DEPTOR: variants seen among roughly 807,000 people sequenced by gnomAD.
The protein encoded by DEPTOR is DEP domain containing MTOR interacting protein, also known as DEP domain-containing mTOR-interacting protein.
A neutral mutation model predicts 41.6 loss-of-function variants in DEPTOR; 41 were observed. That is an observed-to-expected ratio of 0.98 (90% CI 0.77 to 1.28). The LOEUF is 1.28. Among genes scored for constraint, DEPTOR ranks in the 50% most tolerant of loss-of-function variants. The pLI is 0.00. For missense variants in DEPTOR, 514 were observed against 527.9 expected, an observed-to-expected ratio of 0.97 and a Z score of 0.26; for synonymous variants, 195 against 192.3, an observed-to-expected ratio of 1.01 and a Z score of -0.12.
At chr8:120,028,652 T>C (rs1487254318) in intron 8 of DEPTOR, among the ~76,000 whole-genome samples, 1 of 151,464 alleles carries the variant, frequency 6.6e-6, no homozygotes, top group Non-Finnish European at 1.5e-5. Context: ...TTAATAGAGA[T>C]GGGTTTCACC....
intron 8 of DEPTOR, among the ~76,000 whole-genome samples, chr8:120,010,030 A>C (rs1001243939): frequency 3.3e-5 from 5 of 152,172 alleles, no homozygotes; most frequent in African/African-American, 7.2e-5. Flanking sequence ...CATACGACAT[A>C]GCCAATACTG....
chr8:119,936,484 ATTTG>A (rs1230025545), intron 3 of DEPTOR, among the ~76,000 whole-genome samples: 2 of 152,192 alleles, frequency 1.3e-5, no homozygotes, highest in Non-Finnish European at 2.9e-5. Flanking sequence ...ATATACATTA[ATTTG>A]TTTGATCCTC....
chr8:120,037,570 T>G (rs1812997389), intron 8 of DEPTOR, among the ~76,000 whole-genome samples: 1 of 152,200 alleles, frequency 6.6e-6, no homozygotes, highest in Non-Finnish European at 1.5e-5. Context: ...TTAATATTCA[T>G]GTGTTATCGT....
chr8:120,032,565 T>C (rs954649228), intron 8 of DEPTOR, among the ~76,000 whole-genome samples: 1 of 152,052 alleles, frequency 6.6e-6, no homozygotes, highest in Non-Finnish European at 1.5e-5. Flanking sequence ...GGACCACAAG[T>C]GAAGCTGGTG....
At chr8:119,912,033 T>G (rs1827751473) in intron 1 of DEPTOR, among the ~76,000 whole-genome samples, 1 of 152,212 alleles carries the variant, frequency 6.6e-6, no homozygotes, top group Non-Finnish European at 1.5e-5. Flanking sequence ...CAAATAAGAT[T>G]AAAGTAATAC....
At chr8:120,014,623 G>A (rs1812582574) in intron 8 of DEPTOR, among the ~76,000 whole-genome samples, 1 of 151,876 alleles carries the variant, frequency 6.6e-6, no homozygotes, top group Admixed American at 6.6e-5. Flanking sequence ...CGCCTCCCGG[G>A]TTCAAGCGAT....
chr8:119,886,213 C>T (rs565275679), intron 1 of DEPTOR, among the ~76,000 whole-genome samples: 1 of 152,250 alleles, frequency 6.6e-6, no homozygotes, highest in African/African-American at 2.4e-5. Context: ...CATGTGCCAG[C>T]TCTTTTATTG....
chr8:119,894,558 G>A (rs1368499910), intron 1 of DEPTOR, among the ~76,000 whole-genome samples: 3 of 151,814 alleles, frequency 2.0e-5, no homozygotes, highest in Admixed American at 6.6e-5. Flanking sequence ...CACTATGCCC[G>A]GCTAATTTTT....
chr8:119,924,407 G>GT (rs956232050), intron 1 of DEPTOR, among the ~76,000 whole-genome samples: 4 of 151,782 alleles, frequency 2.6e-5, no homozygotes, highest in Admixed American at 6.6e-5. Context: ...GTTATTTATG[G>GT]TTTTTTTTCC....
At chr8:119,909,708 C>T (rs921093715) in intron 1 of DEPTOR, among the ~76,000 whole-genome samples, 1 of 152,216 alleles carries the variant, frequency 6.6e-6, no homozygotes, top group Admixed American at 6.5e-5. Flanking sequence ...GTGGCCTTGC[C>T]ACTTACAAAC....
chr8:119,971,126 G>A (rs760500327), intron 4 of DEPTOR, among the ~76,000 whole-genome samples: 4 of 151,902 alleles, frequency 2.6e-5, no homozygotes, highest in Non-Finnish European at 5.9e-5. Context: ...CCAGCTACTC[G>A]GGAGGCTGAG....
chr8:119,911,546 G>A (rs1315075615), intron 1 of DEPTOR, among the ~76,000 whole-genome samples: 3 of 151,998 alleles, frequency 2.0e-5, no homozygotes, highest in African/African-American at 4.8e-5. Flanking sequence ...TTGAATTCCC[G>A]ACCTCAGGTG....
intron 1 of DEPTOR, among the ~76,000 whole-genome samples, chr8:119,892,121 C>T (rs563086665): frequency 6.6e-6 from 1 of 152,314 alleles, no homozygotes; most frequent in East Asian, 1.9e-4. Context: ...ACTTCAGCCT[C>T]CCGAGTAGCT....
At chr8:119,956,576 A>G (rs1828418897) in intron 3 of DEPTOR, among the ~76,000 whole-genome samples, 1 of 151,994 alleles carries the variant, frequency 6.6e-6, no homozygotes, top group South Asian at 2.1e-4. Context: ...AATTCACTGA[A>G]CTGGAAGGGA....
intron 4 of DEPTOR, among the ~76,000 whole-genome samples, chr8:119,995,025 G>C (rs1163391195): frequency 6.6e-6 from 1 of 151,734 alleles, no homozygotes; most frequent in Non-Finnish European, 1.5e-5. Flanking sequence ...AGGCAGAAAA[G>C]ATAGAGGAAA....
At chr8:119,877,565 C>T (rs1335375384) in intron 1 of DEPTOR, among the ~76,000 whole-genome samples, 2 of 152,228 alleles carry the variant, frequency 1.3e-5, no homozygotes, top group African/African-American at 2.4e-5. Flanking sequence ...TGCTTTCTCT[C>T]ACTTTGCATT....
chr8:120,024,094 G>A (rs184210066), intron 8 of DEPTOR, among the ~76,000 whole-genome samples: 2 of 152,108 alleles, frequency 1.3e-5, no homozygotes, highest in South Asian at 2.1e-4. Flanking sequence ...AAACTTAGCC[G>A]GGCATGGTGG....
At chr8:119,901,397 C>T (rs1827588048) in intron 1 of DEPTOR, among the ~76,000 whole-genome samples, 1 of 152,090 alleles carries the variant, frequency 6.6e-6, no homozygotes, top group Admixed American at 6.6e-5. Flanking sequence ...ATAATTTCAG[C>T]CAGGCGTGGT....
At chr8:119,889,638 A>T (rs1827423752) in intron 1 of DEPTOR, among the ~76,000 whole-genome samples, 5 of 31,830 alleles carry the variant, frequency 1.6e-4, no homozygotes, top group Admixed American at 4.4e-4. Flanking sequence ...AGGGAAGGGG[A>T]GGGGAGGGGA....
Sources: gnomAD v4.1 joint callset for allele counts (sites outside exome capture counted in the v4.1 genomes callset) on GRCh38, gnomAD v4.1.1 for gene constraint, MANE v1.5 for transcripts, NCBI Gene and HGNC (gene_info 2026-07-23, HGNC 2026-07-21) for gene names.